The following PTPRD variants were observed in gnomAD, a reference collection of about 807,000 sequenced individuals.
PTPRD encodes the protein receptor-type tyrosine-protein phosphatase delta.
A neutral mutation model predicts 214.5 loss-of-function variants in PTPRD; 34 were observed. The observed-to-expected ratio is 0.16, with a 90% confidence interval of 0.12 to 0.21. The LOEUF (loss-of-function observed/expected upper bound fraction) is 0.21, where lower values mean the gene tolerates loss of function less well. PTPRD is among the 10% of genes least tolerant of loss of function. The probability of loss-of-function intolerance (pLI) is 1.00; values close to 1 mark genes in which losing one functional copy is unlikely to be tolerated. For synonymous variants in PTPRD, 1,128 were observed against 845.7 expected (o/e 1.33, Z -5.79); for missense variants, 2,545 against 2,398.7 (o/e 1.06, Z -1.27).
intron 8 of PTPRD, among the ~76,000 whole-genome samples, chr9:9,417,413 T>A (rs2077313574): frequency 2.0e-5 from 3 of 152,126 alleles, no homozygotes; most frequent in Non-Finnish European, 4.4e-5. Flanking sequence ...TTGTGTTCTA[T>A]CACAAGCATA....
intron 18 of PTPRD, 127 bp from the exon 19 acceptor site, chr9:8,523,651 C>A: frequency 1.0e-6 from 1 of 968,194 alleles, no homozygotes; most frequent in South Asian, 1.6e-5. Flanking sequence ...TCTTTATTCG[C>A]TCTAGTTCAT....
intron 8 of PTPRD, among the ~76,000 whole-genome samples, chr9:9,463,534 G>C (rs2093859756): frequency 6.6e-6 from 1 of 152,056 alleles, no homozygotes; most frequent in Admixed American, 6.6e-5. Context: ...GTAATTAGAA[G>C]TTTAGAGTCA....
chr9:9,232,206 C>T lies in PTPRD; in HGVS notation c.-202-48843G>A, dbSNP rs76285414. Reference sequence around the variant, plus strand: ...CATTATGCCCATCATTACCTTTAAACTACTGAAAGGAGGTTTAGAAGAGTT... The same window carrying T: ...CATTATGCCCATCATTACCTTTAAATTACTGAAAGGAGGTTTAGAAGAGTT... On this transcript the variant is annotated intron_variant, in intron 9 of 45. Transcript: ENST00000381196. 3.8e-3 allele frequency among the ~76,000 whole-genome samples: 579 copies of T among 152,260 alleles called. 6 individuals carry two copies. The highest frequency in any genetic ancestry group is 0.013 in the African/African-American group (538 of 41,570).
At chr9:9,669,837 G>C (rs11791974) in intron 7 of PTPRD, among the ~76,000 whole-genome samples, 1 of 152,104 alleles carries the variant, frequency 6.6e-6, no homozygotes, top group East Asian at 1.9e-4. Flanking sequence ...AGCAAATTTA[G>C]ATAGTGACTA....
intron 34 of PTPRD, among the ~76,000 whole-genome samples, chr9:8,443,016 A>T (rs748622212): frequency 2.6e-5 from 4 of 152,206 alleles, no homozygotes; most frequent in African/African-American, 7.2e-5. Flanking sequence ...ATTGTGGCAC[A>T]TGCCTGTGGT....
intron 9 of PTPRD, among the ~76,000 whole-genome samples, chr9:9,235,061 T>C (rs2134025446): frequency 6.6e-6 from 1 of 152,312 alleles, no homozygotes; most frequent in African/African-American, 2.4e-5. Context: ...GAGGTTTAAT[T>C]GACTCACAGT....
At chr9:9,951,963 A>G (rs973310036) in intron 4 of PTPRD, among the ~76,000 whole-genome samples, 2 of 152,184 alleles carry the variant, frequency 1.3e-5, no homozygotes, top group African/African-American at 4.8e-5. Flanking sequence ...CCAAATATAT[A>G]TGTTGGAATC....
chr9:9,192,056 G>A (rs2099935559), intron 9 of PTPRD, among the ~76,000 whole-genome samples: 1 of 152,074 alleles, frequency 6.6e-6, no homozygotes, highest in East Asian at 1.9e-4. Context: ...GATCAAAGGA[G>A]TGCAGGGACA....
At chr9:9,351,267 A>C (rs1386858346) in intron 9 of PTPRD, among the ~76,000 whole-genome samples, 2 of 152,066 alleles carry the variant, frequency 1.3e-5, no homozygotes, top group Admixed American at 1.3e-4. Flanking sequence ...GAAAGAGAAC[A>C]TAAAAAGAGG....
intron 7 of PTPRD, among the ~76,000 whole-genome samples, chr9:9,671,769 C>T (rs546405989): frequency 8.5e-5 from 13 of 152,250 alleles, no homozygotes; most frequent in African/African-American, 2.2e-4. Context: ...TTTCACCTCC[C>T]GCCATGATTC....
At chr9:8,380,739 G>C (rs2084790756) in intron 37 of PTPRD, among the ~76,000 whole-genome samples, 2 of 152,124 alleles carry the variant, frequency 1.3e-5, no homozygotes, top group Admixed American at 1.3e-4. Flanking sequence ...CATTAGGTCT[G>C]CTGAACATGC....
Position 9,677,917 on chromosome 9 carries a change from C to A in PTPRD, c.-287+56616G>T, listed in dbSNP as rs554763204. 4.6e-5 allele frequency among the ~76,000 whole-genome samples: 7 copies of A among 152,208 alleles called. No homozygotes were observed. The East Asian group carries it at 1.4e-3, about 30-fold the overall frequency. ...TGCAAAAATCACAAGCGTTCTTACA[C>A]ACCAATAACAGACAAACAGAGAGCC... On this transcript the variant is annotated intron_variant, in intron 7 of 45. Coordinates refer to ENST00000381196, the MANE Select transcript of PTPRD (RefSeq NM_002839.4).
chr9:10,312,220 G>C (rs1226691808), intron 3 of PTPRD, among the ~76,000 whole-genome samples: 1 of 151,966 alleles, frequency 6.6e-6, no homozygotes, highest in Non-Finnish European at 1.5e-5. Flanking sequence ...ACATACTCCA[G>C]TGCCAACATT....
intron 8 of PTPRD, among the ~76,000 whole-genome samples, chr9:9,506,064 C>T (rs2096563552): frequency 6.6e-6 from 1 of 151,384 alleles, no homozygotes; most frequent in South Asian, 2.1e-4. Context: ...TAAAAATAAA[C>T]TCAACATTCA....
At chr9:9,479,028 A>C (rs1490989197) in intron 8 of PTPRD, among the ~76,000 whole-genome samples, 1 of 152,180 alleles carries the variant, frequency 6.6e-6, no homozygotes, top group Non-Finnish European at 1.5e-5. Context: ...GATTCAGAGA[A>C]AATAATCACA....
chr9:8,979,285 G>T (rs1390365706), intron 11 of PTPRD, among the ~76,000 whole-genome samples: 1 of 152,036 alleles, frequency 6.6e-6, no homozygotes, highest in African/African-American at 2.4e-5. Context: ...AAACCTAACA[G>T]ATAATAATAT....
chr9:9,164,850 TAAAAC>T (rs80164907), intron 10 of PTPRD, among the ~76,000 whole-genome samples: 89,397 of 146,768 alleles, frequency 0.61, 29,023 homozygotes, highest in Non-Finnish European at 0.74. Flanking sequence ...CTGTCTCTAC[TAAAAC>T]AAAACAAAAC....
intron 37 of PTPRD, among the ~76,000 whole-genome samples, chr9:8,384,275 G>C (rs1055539947): frequency 6.6e-6 from 1 of 151,854 alleles, no homozygotes; most frequent in Non-Finnish European, 1.5e-5. Context: ...AGACCAATTC[G>C]TGTGCTTATT....
chr9:9,522,093 G>T (rs1333814051), intron 8 of PTPRD, among the ~76,000 whole-genome samples: 2 of 144,750 alleles, frequency 1.4e-5, no homozygotes, highest in East Asian at 4.1e-4. Flanking sequence ...GGAGGCGGAG[G>T]TTGTGGTGAG....
Sources: gnomAD v4.1 joint callset for allele counts (sites outside exome capture counted in the v4.1 genomes callset) on GRCh38, gnomAD v4.1.1 for gene constraint, MANE v1.5 for transcripts, NCBI Gene and HGNC (gene_info 2026-07-23, HGNC 2026-07-21) for gene names.